NDUFAF7: variants seen among roughly 807,000 people sequenced by gnomAD.
The protein encoded by NDUFAF7 is NADH:ubiquinone oxidoreductase complex assembly factor 7.
In NDUFAF7, 48 loss-of-function variants were observed where a neutral mutation model predicts 47.2. The ratio of observed to expected loss-of-function variants is 1.02; its 90% CI spans 0.81 to 1.29. The LOEUF is 1.29. Ranked by LOEUF, NDUFAF7 falls within the 50% of genes most tolerant of loss-of-function variation. The pLI, the probability that NDUFAF7 is intolerant of heterozygous loss-of-function variation, is 0.00. For synonymous variants in NDUFAF7, 217 were observed against 190.0 expected (o/e 1.14, Z -1.17); for missense variants, 635 against 537.6 (o/e 1.18, Z -1.79).
intron 4 of NDUFAF7, among the ~76,000 whole-genome samples, 196 bp from the exon 5 acceptor site, chr2:37,241,382 C>A (rs910533153): frequency 6.6e-6 from 1 of 152,064 alleles, no homozygotes; most frequent in Middle Eastern, 3.4e-3. Context: ...GTGCATTGTT[C>A]ATTTCTTATT....
chr2:37,266,486 C>T, the NDUFAF7 span, among the ~76,000 whole-genome samples: 46 of 148,542 alleles, frequency 3.1e-4, no homozygotes, highest in East Asian at 5.5e-3. Context: ...CCACCACACC[C>T]GGCTTTTTTT....
chr2:37,241,270 T>G (rs957113732), intron 4 of NDUFAF7, among the ~76,000 whole-genome samples: 2 of 152,216 alleles, frequency 1.3e-5, no homozygotes, highest in African/African-American at 2.4e-5. Flanking sequence ...TTTATTTCCT[T>G]GGTCTTTTTT....
the NDUFAF7 span, among the ~76,000 whole-genome samples, chr2:37,262,624 A>G: frequency 1.3e-5 from 2 of 152,194 alleles, no homozygotes; most frequent in Admixed American, 6.5e-5. Flanking sequence ...ACTTTTATCA[A>G]CAGAGGTTGA....
chr2:37,239,621 G>C (rs983465862), intron 4 of NDUFAF7, among the ~76,000 whole-genome samples: 3 of 152,170 alleles, frequency 2.0e-5, no homozygotes, highest in Non-Finnish European at 2.9e-5. Context: ...GGGGGTAAAT[G>C]AATCAGTTAA....
chr2:37,255,415 A>T (rs1218105076), downstream of NDUFAF7, among the ~76,000 whole-genome samples: 5 of 152,218 alleles, frequency 3.3e-5, no homozygotes, highest in African/African-American at 4.8e-5. Context: ...ATAATGTTTT[A>T]AGTAGTGTAC....
At chr2:37,266,793 G>A in the NDUFAF7 span, among the ~76,000 whole-genome samples, 8 of 152,134 alleles carry the variant, frequency 5.3e-5, no homozygotes, top group Non-Finnish European at 5.9e-5. Context: ...TGGCCAGAAT[G>A]AGCTATTATA....
intron 8 of NDUFAF7, among the ~76,000 whole-genome samples, chr2:37,247,022 A>G (rs1354681677): frequency 6.6e-6 from 1 of 152,076 alleles, no homozygotes; most frequent in Non-Finnish European, 1.5e-5. Flanking sequence ...TACTCAGTAG[A>G]TAGATTTTCA....
In NDUFAF7 at chr2:37,247,461, T is replaced by A; in HGVS notation, c.942T>A (p.Phe314Leu). 1 of 1,614,020 alleles carries A rather than the reference T, an allele frequency of 6.2e-7. No individual in the cohort carries two copies. Among genetic ancestry groups the A allele is most frequent in the Non-Finnish European group, 8.5e-7 (1 of 1,179,926 alleles). ...CTGATTTCTTTATGTTCAAGGGGTT[T>A]TGCGACCACAAGCTTCATGATGTCT... ...DGTKTDTFRG[F>L]CDHKLHDVLI... The change falls in exon 9 of 10, where the codon TTT (phenylalanine) becomes TTA (leucine). Residue 314 changes from phenylalanine to leucine, a missense_variant. Transcript: ENST00000002125.
At chr2:37,235,867 G>A (rs2148394145) in intron 2 of NDUFAF7, among the ~76,000 whole-genome samples, 1 of 151,902 alleles carries the variant, frequency 6.6e-6, no homozygotes, top group Admixed American at 6.6e-5. Flanking sequence ...ACCATGTTAG[G>A]CAGGATGGTC....
chr2:37,241,847 TGATG>T, intron 5 of NDUFAF7, 56 bp downstream of exon 5: 1 of 1,478,334 alleles, frequency 6.8e-7, no homozygotes, highest in Non-Finnish European at 9.4e-7. Context: ...CTCACAGTAT[TGATG>T]GGACTGTAAC....
intron 3 of NDUFAF7, among the ~76,000 whole-genome samples, chr2:37,237,392 T>G (rs1665906197): frequency 6.6e-6 from 1 of 152,274 alleles, no homozygotes; most frequent in African/African-American, 2.4e-5. Flanking sequence ...TTAGTTATTA[T>G]AAGAATCATG....
the NDUFAF7 span, chr2:37,259,584 TG>T: frequency 6.2e-7 from 1 of 1,605,800 alleles, no homozygotes; most frequent in Admixed American, 1.7e-5. Flanking sequence ...ATATCTCACC[TG>T]AGGAAATGGC....
intron 1 of NDUFAF7, 84 bp downstream of exon 1, chr2:37,231,844 G>C (rs1288217871): frequency 6.3e-7 from 1 of 1,598,638 alleles, no homozygotes; most frequent in Non-Finnish European, 8.5e-7. Flanking sequence ...GGGTACCGGG[G>C]GATCAAGGGC....
intron 2 of NDUFAF7, among the ~76,000 whole-genome samples, 186 bp from the exon 3 acceptor site, chr2:37,235,910 G>A (rs564482733): frequency 1.3e-5 from 2 of 151,842 alleles, no homozygotes; most frequent in African/African-American, 2.4e-5. Flanking sequence ...CACCCGTCTC[G>A]GCCTCCCAAA....
At position 37,248,339 on chromosome 2, in the gene NDUFAF7, G is replaced by C. The variant is rs1667145525; in HGVS notation, c.1315G>C (p.Ala439Pro). 1 of 1,613,732 alleles carries C rather than the reference G, an allele frequency of 6.2e-7. No homozygotes were observed. Among genetic ancestry groups the C allele is most frequent in the Non-Finnish European group, 8.5e-7 (1 of 1,179,620 alleles). ...CGTTGTAGCTGGGTTTAGTGAACTT[G>C]CTTGGCAGTGATATTTCAGCTTGGA... The part of the protein sequence containing the change: ...ASVVAGFSEL[A>P]WQ The change falls in exon 10 of 10, where the codon GCT (alanine) becomes CCT (proline). Residue 439 changes from alanine (A) to proline (P), a missense_variant. By Grantham distance (27) the Ala-to-Pro change is conservative. Transcript: ENST00000002125.
chr2:37,241,902 T>G, intron 5 of NDUFAF7, 111 bp downstream of exon 5: 1 of 945,048 alleles, frequency 1.1e-6, no homozygotes, highest in Non-Finnish European at 1.6e-6. Context: ...TGCTGCCAAG[T>G]CCCTTATCCA....
At chr2:37,238,160 C>T (rs1374683950) in intron 4 of NDUFAF7, among the ~76,000 whole-genome samples, 4 of 152,058 alleles carry the variant, frequency 2.6e-5, no homozygotes, top group African/African-American at 9.7e-5. Context: ...AAAGTTTAGG[C>T]CAGGCATGGT....
At chr2:37,255,572 G>A (rs1667865080), downstream of NDUFAF7, among the ~76,000 whole-genome samples, 1 of 152,172 alleles carries the variant, frequency 6.6e-6, no homozygotes, top group Non-Finnish European at 1.5e-5. Flanking sequence ...CCACAGGAGA[G>A]AGGAAAACAA....
the NDUFAF7 span, among the ~76,000 whole-genome samples, chr2:37,266,194 T>TA: frequency 2.6e-5 from 4 of 152,224 alleles, no homozygotes; most frequent in African/African-American, 9.7e-5. Flanking sequence ...TAAATGTTAC[T>TA]ATTAGCAACA....
Sources: allele counts gnomAD v4.1 joint callset (sites outside exome capture counted in the v4.1 genomes callset), GRCh38; gene constraint gnomAD v4.1.1; transcripts MANE v1.5; gene names NCBI Gene and HGNC (gene_info 2026-07-23, HGNC 2026-07-21).